Variants in CCSER1 observed in about 807,000 individuals in gnomAD.
The protein encoded by CCSER1 is serine-rich coiled-coil domain-containing protein 1.
Under a neutral mutation model 82.0 loss-of-function variants are expected in CCSER1, and 41 were observed. The ratio of observed to expected loss-of-function variants is 0.50; its 90% CI spans 0.39 to 0.65. The LOEUF (loss-of-function observed/expected upper bound fraction) is 0.65, where lower values mean the gene tolerates loss of function less well. Among genes scored for constraint, CCSER1 ranks in the 30% least tolerant of loss-of-function variants. CCSER1 has a pLI of 0.00. For synonymous variants in CCSER1, 414 were observed against 383.9 expected (o/e 1.08, Z -0.92); for missense variants, 1,119 against 1,064.2 (o/e 1.05, Z -0.72).
At chr4:90,794,346 G>A (rs935899998) in intron 7 of CCSER1, among the ~76,000 whole-genome samples, 1 of 152,098 alleles carries the variant, frequency 6.6e-6, no homozygotes, top group East Asian at 1.9e-4. Context: ...TGTATATGAT[G>A]TAAGGAAGAG....
chr4:90,723,548 A>G (rs1286040947), intron 6 of CCSER1, among the ~76,000 whole-genome samples: 1 of 151,926 alleles, frequency 6.6e-6, no homozygotes, highest in Non-Finnish European at 1.5e-5. Flanking sequence ...TCAGTCTGAA[A>G]TACATTGAAA....
At chr4:91,145,198 A>G (rs1055671545) in intron 10 of CCSER1, among the ~76,000 whole-genome samples, 1 of 152,146 alleles carries the variant, frequency 6.6e-6, no homozygotes, top group Non-Finnish European at 1.5e-5. Flanking sequence ...TGAAACTAAT[A>G]TCGTTATGTA....
At chr4:90,799,919 A>G (rs758215145) in intron 7 of CCSER1, among the ~76,000 whole-genome samples, 2 of 152,170 alleles carry the variant, frequency 1.3e-5, no homozygotes, top group South Asian at 2.1e-4. Context: ...GCCCCTTGCC[A>G]GTTCAACTGA....
In CCSER1 at chr4:91,439,680, A is replaced by G. The variant is rs543634895; in HGVS notation, c.2218-158892A>G. Among the ~76,000 whole-genome samples the G allele has an allele frequency of 4.5e-3, 683 of 152,238 alleles. 9 individuals carry two copies. The highest frequency in any genetic ancestry group is 0.031 in the Middle Eastern group (9 of 294). On this transcript the variant is annotated intron_variant, in intron 10 of 10. Coordinates refer to ENST00000509176, the MANE Select transcript of CCSER1 (RefSeq NM_001145065.2). ...AGACACAGACTGGCAAATTGGATAAAGAGTCAAGACCCATCAGTGTGCTGT... is the reference window on the plus strand; with the variant it reads ...AGACACAGACTGGCAAATTGGATAAGGAGTCAAGACCCATCAGTGTGCTGT...
At chr4:91,549,445 T>C (rs1203849662) in intron 10 of CCSER1, among the ~76,000 whole-genome samples, 1 of 152,200 alleles carries the variant, frequency 6.6e-6, no homozygotes, top group Non-Finnish European at 1.5e-5. Context: ...GTGGATATGA[T>C]GTGCTGAGTA....
At chr4:91,380,973 C>G (rs770919291) in intron 10 of CCSER1, among the ~76,000 whole-genome samples, 14 of 152,120 alleles carry the variant, frequency 9.2e-5, no homozygotes, top group Non-Finnish European at 1.6e-4. Flanking sequence ...ATTTGCTTGT[C>G]TATAAAGGAT....
intron 8 of CCSER1, 42 bp from the exon 9 acceptor site, chr4:90,923,328 A>C (rs777107699): frequency 1.1e-5 from 15 of 1,347,284 alleles, no homozygotes; most frequent in Middle Eastern, 1.8e-4. Flanking sequence ...AGAAGTACAC[A>C]CCTCACCAAC....
chr4:91,317,726 G>C (rs1015453361), intron 10 of CCSER1, among the ~76,000 whole-genome samples: 40 of 151,838 alleles, frequency 2.6e-4, no homozygotes, highest in African/African-American at 8.5e-4. Context: ...AGAACATGTT[G>C]ACCTTGGTAC....
intron 10 of CCSER1, among the ~76,000 whole-genome samples, chr4:91,156,755 C>A (rs1205909395): frequency 4.6e-5 from 7 of 151,802 alleles, no homozygotes; most frequent in Non-Finnish European, 7.4e-5. Flanking sequence ...CTTTTAAATG[C>A]CAGACACCTT....
chr4:90,781,586 C>T, intron 7 of CCSER1: 1 of 977,734 alleles, frequency 1.0e-6, no homozygotes, highest in Non-Finnish European at 1.2e-6. Context: ...TTGTGACTTT[C>T]CTTATAAGAT....
chr4:90,603,693 A>T (rs1784295812), intron 5 of CCSER1, among the ~76,000 whole-genome samples: 1 of 152,202 alleles, frequency 6.6e-6, no homozygotes, highest in Non-Finnish European at 1.5e-5. Flanking sequence ...CACTGGATAG[A>T]TGCCTAGAAA....
At chr4:90,975,910 C>T in intron 9 of CCSER1, among the ~76,000 whole-genome samples, 1 of 151,016 alleles carries the variant, frequency 6.6e-6, no homozygotes, top group East Asian at 1.9e-4. Context: ...TCCCAAAGCT[C>T]TAGAATGTTA....
chr4:90,794,721 T>G (rs982026712), intron 7 of CCSER1, among the ~76,000 whole-genome samples: 1 of 152,214 alleles, frequency 6.6e-6, no homozygotes, highest in Non-Finnish European at 1.5e-5. Context: ...AGTGGTAGAT[T>G]AATAGGAATA....
chr4:90,362,593 G>A (rs916449661), intron 3 of CCSER1, among the ~76,000 whole-genome samples: 3 of 152,074 alleles, frequency 2.0e-5, no homozygotes. Context: ...ATTAGAATGG[G>A]ACCAAATTAG....
chr4:90,216,943 T>C (rs1326365022), intron 1 of CCSER1, among the ~76,000 whole-genome samples: 5 of 152,238 alleles, frequency 3.3e-5, no homozygotes, highest in Admixed American at 1.3e-4. Flanking sequence ...TTTGTTTTTG[T>C]CATCTGTGAT....
At chr4:91,243,088 G>A (rs1739495244) in intron 10 of CCSER1, among the ~76,000 whole-genome samples, 1 of 152,198 alleles carries the variant, frequency 6.6e-6, no homozygotes, top group South Asian at 2.1e-4. Flanking sequence ...GAGAATCTGT[G>A]TACTTTGGAG....
chr4:91,082,976 G>A (rs976396486), intron 9 of CCSER1, among the ~76,000 whole-genome samples: 2 of 152,180 alleles, frequency 1.3e-5, no homozygotes, highest in African/African-American at 4.8e-5. Context: ...CTGTAAACTA[G>A]TTCAACCATT....
intron 5 of CCSER1, among the ~76,000 whole-genome samples, chr4:90,559,809 C>CAAAA (rs1236087772): frequency 0.064 from 2,558 of 39,728 alleles, 620 homozygotes; most frequent in East Asian, 0.42. Flanking sequence ...GACTCCGTCT[C>CAAAA]AAAAAAAAAA....
Position 90,309,372 on chromosome 4 carries a change from C to CA in CCSER1, c.1089dup (p.Glu364ArgfsTer3). On this transcript the variant is annotated frameshift_variant, in exon 2 of 11. Coordinates refer to ENST00000509176, the MANE Select transcript of CCSER1 (RefSeq NM_001145065.2). LOFTEE classifies it high-confidence loss of function. Reference sequence around the variant, plus strand: ...CTACCTGCTACAAGTGTGAGCCACTCAGAGAGTAACCTACCAGCAGATAGT... The same window carrying CA: ...CTACCTGCTACAAGTGTGAGCCACTCAAGAGAGTAACCTACCAGCAGATAGT... 1 of 1,613,784 alleles carries CA rather than the reference C, an allele frequency of 6.2e-7. No homozygotes were observed. The highest frequency in any genetic ancestry group is 8.5e-7 in the Non-Finnish European group (1 of 1,179,806).
Sources: allele counts gnomAD v4.1 joint callset (sites outside exome capture counted in the v4.1 genomes callset), GRCh38; gene constraint gnomAD v4.1.1; transcripts MANE v1.5; gene names NCBI Gene and HGNC (gene_info 2026-07-23, HGNC 2026-07-21).